Variants in ADGRL3 observed in about 807,000 individuals in gnomAD.
ADGRL3 encodes the protein adhesion G protein-coupled receptor L3, also known as calcium-independent alpha-latrotoxin receptor 3.
In ADGRL3, 62 loss-of-function variants were observed where a neutral mutation model predicts 153.5. The ratio of observed to expected loss-of-function variants is 0.40; its 90% confidence interval spans 0.33 to 0.50. ADGRL3 has a LOEUF of 0.50. Ranked by LOEUF, ADGRL3 falls within the 20% of genes least tolerant of loss-of-function variation. The probability of loss-of-function intolerance (pLI) is 0.47; values close to 1 mark genes in which losing one functional copy is unlikely to be tolerated. For synonymous variants in ADGRL3, 710 were observed against 672.5 expected (o/e 1.06, Z -0.86); for missense variants, 1,641 against 1,859.4 (o/e 0.88, Z 2.16).
At chr4:61,858,478 T>C (rs1213417009) in intron 9 of ADGRL3, among the ~76,000 whole-genome samples, 1 of 152,058 alleles carries the variant, frequency 6.6e-6, no homozygotes, top group Non-Finnish European at 1.5e-5. Flanking sequence ...AAAACTAGTC[T>C]GGCGTAGTGG....
chr4:61,313,630 A>T (rs2095097180), intron 1 of ADGRL3, among the ~76,000 whole-genome samples: 1 of 152,202 alleles, frequency 6.6e-6, no homozygotes, highest in South Asian at 2.1e-4. Context: ...GATGTAAATA[A>T]AAGTTAAGTT....
chr4:61,354,570 T>TTG (rs1304906195), intron 1 of ADGRL3, among the ~76,000 whole-genome samples: 47 of 93,066 alleles, frequency 5.1e-4, no homozygotes, highest in Admixed American at 2.1e-3. Context: ...TGATAAGACT[T>TTG]TGTCTGTGTG....
chr4:61,215,326 G>C (rs765730069), intron 1 of ADGRL3, among the ~76,000 whole-genome samples: 14 of 152,106 alleles, frequency 9.2e-5, no homozygotes, highest in Non-Finnish European at 2.1e-4. Context: ...AAGTGAACAT[G>C]AAAGCAGTTT....
intron 5 of ADGRL3, among the ~76,000 whole-genome samples, chr4:61,600,386 T>TCTC (rs1385778957): frequency 1.4e-5 from 2 of 147,806 alleles, no homozygotes; most frequent in Non-Finnish European, 3.0e-5. Flanking sequence ...GAAAAAGTTG[T>TCTC]CTCCTGGAGC....
At chr4:61,391,855 C>CTCTTTT (rs1371326874) in intron 2 of ADGRL3, among the ~76,000 whole-genome samples, 1 of 93,656 alleles carries the variant, frequency 1.1e-5, no homozygotes, top group African/African-American at 4.1e-5. Context: ...AAAAATGCTA[C>CTCTTTT]TTTTTTTTTT....
chr4:61,642,191 T>C (rs1175801074), intron 5 of ADGRL3, among the ~76,000 whole-genome samples: 1 of 150,940 alleles, frequency 6.6e-6, no homozygotes, highest in East Asian at 2.0e-4. Context: ...ATATTAGCCC[T>C]TTGTCAGATG....
intron 9 of ADGRL3, among the ~76,000 whole-genome samples, chr4:61,840,149 G>T (rs558484105): frequency 6.6e-6 from 1 of 151,978 alleles, no homozygotes; most frequent in African/African-American, 2.4e-5. Context: ...GTGCAATCTC[G>T]CCTCCCTGCA....
chr4:61,847,055 A>G (rs1234042100), intron 9 of ADGRL3, among the ~76,000 whole-genome samples: 4 of 151,740 alleles, frequency 2.6e-5, no homozygotes, highest in African/African-American at 9.7e-5. Context: ...TGCCTCCAGC[A>G]TTGGGGATTA....
intron 8 of ADGRL3, among the ~76,000 whole-genome samples, chr4:61,741,668 C>G (rs530942164): frequency 3.7e-4 from 56 of 152,286 alleles, no homozygotes; most frequent in African/African-American, 1.3e-3. Flanking sequence ...GAGGGTAAAA[C>G]TTCCCAGAAT....
intron 8 of ADGRL3, among the ~76,000 whole-genome samples, chr4:61,749,598 C>T (rs917031183): frequency 6.6e-6 from 1 of 152,122 alleles, no homozygotes; most frequent in African/African-American, 2.4e-5. Flanking sequence ...TCTCAGTAAA[C>T]TATCACAAGA....
intron 16 of ADGRL3, 40 bp from the exon 17 acceptor site, chr4:61,948,060 A>C: frequency 6.5e-7 from 1 of 1,532,124 alleles, no homozygotes; most frequent in Non-Finnish European, 8.9e-7. Flanking sequence ...ACATGATCAT[A>C]AAGTAGTTGT....
chr4:61,347,304 A>G (rs756555857), intron 1 of ADGRL3, among the ~76,000 whole-genome samples: 8 of 151,662 alleles, frequency 5.3e-5, no homozygotes, highest in African/African-American at 7.3e-5. Flanking sequence ...AGGTATATTA[A>G]ATTTGATTCC....
intron 24 of ADGRL3, among the ~76,000 whole-genome samples, chr4:62,041,995 T>A (rs1728589579): frequency 6.6e-6 from 1 of 152,166 alleles, no homozygotes; most frequent in Admixed American, 6.6e-5. Flanking sequence ...TAGTGTATAG[T>A]ATTACCTACC....
intron 9 of ADGRL3, among the ~76,000 whole-genome samples, chr4:61,823,466 A>G (rs768122623): frequency 1.3e-5 from 2 of 152,110 alleles, no homozygotes; most frequent in Non-Finnish European, 2.9e-5. Flanking sequence ...TTTTCCATAG[A>G]TATCACCTTT....
At position 61,525,253 on chromosome 4, in the gene ADGRL3, T is replaced by A. The variant is rs376728335; in HGVS notation, c.259+7735T>A. Among the ~76,000 whole-genome samples, 22 of 152,046 alleles carry A rather than the reference T, an allele frequency of 1.4e-4. 1 individual carries two copies. The highest frequency in any genetic ancestry group is 5.3e-4 in the African/African-American group (22 of 41,446). Reference sequence around the variant, plus strand: ...ATTTTAATTAACTCTTGAGAAAAAATTCCTAGGATAATTTGCAAGCATAGA... The same window carrying A: ...ATTTTAATTAACTCTTGAGAAAAAAATCCTAGGATAATTTGCAAGCATAGA... On this transcript the variant is annotated intron_variant, in intron 4 of 26. Coordinates refer to ENST00000683033, the MANE Select transcript of ADGRL3 (RefSeq NM_001387552.1).
At chr4:62,050,685 C>A (rs776816979) in intron 25 of ADGRL3, among the ~76,000 whole-genome samples, 16 of 152,006 alleles carry the variant, frequency 1.1e-4, no homozygotes, top group Admixed American at 2.0e-4. Flanking sequence ...AACACTCATA[C>A]TCATTCACTG....
intron 2 of ADGRL3, among the ~76,000 whole-genome samples, chr4:61,395,647 A>G (rs2096859876): frequency 6.6e-6 from 1 of 151,990 alleles, no homozygotes; most frequent in Non-Finnish European, 1.5e-5. Context: ...TTTAATAGGT[A>G]ATGACCTATT....
At chr4:61,947,983 A>T in intron 16 of ADGRL3, 117 bp from the exon 17 acceptor site, 1 of 732,796 alleles carries the variant, frequency 1.4e-6, no homozygotes, top group Non-Finnish European at 2.2e-6. Context: ...CCATTGGTAG[A>T]CATCTCTAAA....
chr4:61,323,139 TCTACA>T (rs2095396533), intron 1 of ADGRL3, among the ~76,000 whole-genome samples: 1 of 152,136 alleles, frequency 6.6e-6, no homozygotes, highest in African/African-American at 2.4e-5. Flanking sequence ...CAGCCTAAGC[TCTACA>T]TTGGACCCTT....
Sources: gnomAD v4.1 joint callset for allele counts (sites outside exome capture counted in the v4.1 genomes callset) on GRCh38, gnomAD v4.1.1 for gene constraint, MANE v1.5 for transcripts, NCBI Gene and HGNC (gene_info 2026-07-23, HGNC 2026-07-21) for gene names.